The following RBFOX1 variants were observed in gnomAD, a reference collection of about 807,000 sequenced individuals.
RBFOX1 encodes RNA binding fox-1 homolog 1.
RBFOX1 carries 8 observed loss-of-function variants against 57.7 expected under a neutral mutation model. That is an observed-to-expected ratio of 0.14 (90% CI 0.08 to 0.25). The LOEUF (loss-of-function observed/expected upper bound fraction) is 0.25. Ranked by LOEUF, RBFOX1 falls within the 10% of genes least tolerant of loss-of-function variation. The probability of loss-of-function intolerance (pLI) is 1.00; values close to 1 mark genes in which losing one functional copy is unlikely to be tolerated. For synonymous variants in RBFOX1, 326 were observed against 222.4 expected (o/e 1.47, Z -4.15); for missense variants, 611 against 548.5 (o/e 1.11, Z -1.14).
At chr16:5,880,270 C>A (rs544332441) in intron 4 of RBFOX1, among the ~76,000 whole-genome samples, 138 of 152,292 alleles carry the variant, frequency 9.1e-4, no homozygotes, top group African/African-American at 3.1e-3. Context: ...TCAGCATTCA[C>A]CCCAAAATCT....
chr16:7,063,320 C>T (rs572379916), intron 4 of RBFOX1, among the ~76,000 whole-genome samples: 4 of 152,114 alleles, frequency 2.6e-5, no homozygotes, highest in Admixed American at 6.5e-5. Context: ...GGACCACCCC[C>T]GTGCCCACAG....
intron 4 of RBFOX1, among the ~76,000 whole-genome samples, chr16:7,498,448 G>T (rs201736836): frequency 1.4e-3 from 204 of 150,902 alleles, no homozygotes; most frequent in African/African-American, 3.6e-3. Context: ...TATGTAGTGG[G>T]TTTTTTTTTA....
intron 1 of RBFOX1, among the ~76,000 whole-genome samples, chr16:6,262,115 G>T (rs1412549032): frequency 6.6e-6 from 1 of 152,078 alleles, no homozygotes; most frequent in African/African-American, 2.4e-5. Flanking sequence ...GAGGTGCAGA[G>T]ACTCCTTGAC....
At chr16:6,076,618 A>C (rs943803817) in intron 1 of RBFOX1, among the ~76,000 whole-genome samples, 1 of 148,958 alleles carries the variant, frequency 6.7e-6, no homozygotes, top group Non-Finnish European at 1.5e-5. Flanking sequence ...GAGCCTTAGG[A>C]CTCTTAACCT....
intron 4 of RBFOX1, among the ~76,000 whole-genome samples, chr16:7,081,217 T>C (rs2059144810): frequency 6.6e-6 from 1 of 152,216 alleles, no homozygotes; most frequent in Non-Finnish European, 1.5e-5. Flanking sequence ...GTATTTTTAG[T>C]GGAGGCAGGG....
chr16:7,103,772 C>G (rs747416540), intron 4 of RBFOX1, among the ~76,000 whole-genome samples: 4 of 152,158 alleles, frequency 2.6e-5, no homozygotes, highest in African/African-American at 9.7e-5. Flanking sequence ...AGAAAAACCT[C>G]TAAGGTACCC....
chr16:5,287,030 T>A (rs1567282236), intron 1 of RBFOX1, among the ~76,000 whole-genome samples: 1 of 152,054 alleles, frequency 6.6e-6, no homozygotes, highest in African/African-American at 2.4e-5. Context: ...AGAGGCTGGG[T>A]GTGGTGGCTC....
intron 2 of RBFOX1, among the ~76,000 whole-genome samples, chr16:5,587,905 C>T (rs573548068): frequency 6.0e-4 from 91 of 152,172 alleles, no homozygotes; most frequent in African/African-American, 2.0e-3. Flanking sequence ...ATAACGTGTG[C>T]GGGAATGCTC....
chr16:5,760,355 C>G (rs2053549465), intron 3 of RBFOX1, among the ~76,000 whole-genome samples: 1 of 149,408 alleles, frequency 6.7e-6, no homozygotes, highest in Non-Finnish European at 1.5e-5. Context: ...AAGTACTCAG[C>G]AATTTCACAC....
At chr16:6,698,912 A>C (rs1011010998) in intron 3 of RBFOX1, among the ~76,000 whole-genome samples, 1 of 152,238 alleles carries the variant, frequency 6.6e-6, no homozygotes, top group African/African-American at 2.4e-5. Context: ...TATTCATAAA[A>C]GAGGCATATT....
At chr16:7,668,999 G>A (rs949909015) in intron 13 of RBFOX1, among the ~76,000 whole-genome samples, 6 of 152,260 alleles carry the variant, frequency 3.9e-5, no homozygotes, top group Admixed American at 3.9e-4. Flanking sequence ...CCGCTTCCAG[G>A]GTTCAAGGGA....
intron 2 of RBFOX1, among the ~76,000 whole-genome samples, chr16:6,556,187 C>T (rs2097095595): frequency 6.6e-6 from 1 of 152,182 alleles, no homozygotes; most frequent in African/African-American, 2.4e-5. Context: ...GCGGCATTGA[C>T]TTCCCGCTGT....
At chr16:7,134,218 C>A (rs768205556) in intron 4 of RBFOX1, among the ~76,000 whole-genome samples, 1 of 151,986 alleles carries the variant, frequency 6.6e-6, no homozygotes, top group Non-Finnish European at 1.5e-5. Flanking sequence ...GAGATTTTTG[C>A]CATTTGGATG....
rs192784981 is a variant in RBFOX1, at chr16:7,009,869, C to T, written c.-15-42188C>T. Among the ~76,000 whole-genome samples the T allele has an allele frequency of 2.8e-3, 429 of 152,218 alleles. 1 individual carries two copies. Among genetic ancestry groups the T allele is most frequent in the South Asian group, 4.6e-3 (22 of 4,822 alleles). On this transcript the variant is annotated intron_variant, in intron 3 of 15. Coordinates refer to ENST00000550418, the MANE Select transcript of RBFOX1 (RefSeq NM_018723.4). Reference sequence around the variant, plus strand: ...AGCAAACTACGAATATTAAAATATTCCTGGGCTATTTTGGTGCCGTTTAGC... The same window carrying T: ...AGCAAACTACGAATATTAAAATATTTCTGGGCTATTTTGGTGCCGTTTAGC...
At chr16:7,649,929 G>C (rs934808666) in intron 11 of RBFOX1, among the ~76,000 whole-genome samples, 1 of 151,712 alleles carries the variant, frequency 6.6e-6, no homozygotes. Context: ...ATGAAGGCAG[G>C]AATTAATAAA....
At chr16:7,083,770 G>T (rs939456647) in intron 4 of RBFOX1, among the ~76,000 whole-genome samples, 12 of 145,770 alleles carry the variant, frequency 8.2e-5, no homozygotes, top group Admixed American at 6.0e-4. Flanking sequence ...AGAAGGCACC[G>T]TGCATGGGTC....
chr16:5,733,095 C>T (rs1221998192), intron 3 of RBFOX1, among the ~76,000 whole-genome samples: 1 of 152,022 alleles, frequency 6.6e-6, no homozygotes, highest in African/African-American at 2.4e-5. Flanking sequence ...ACCTGACTTC[C>T]AAAACAAATG....
At chr16:6,725,811 G>A (rs568126831) in intron 3 of RBFOX1, among the ~76,000 whole-genome samples, 1 of 152,104 alleles carries the variant, frequency 6.6e-6, no homozygotes, top group Non-Finnish European at 1.5e-5. Context: ...CGCCGTGTGT[G>A]CTCTTCAAGC....
chr16:6,455,838 A>G (rs1199100307), intron 2 of RBFOX1, among the ~76,000 whole-genome samples: 2 of 152,208 alleles, frequency 1.3e-5, no homozygotes, highest in East Asian at 1.9e-4. Flanking sequence ...TGCAGATTCA[A>G]TAAACCATGA....
Sources: allele counts gnomAD v4.1 joint callset (sites outside exome capture counted in the v4.1 genomes callset), GRCh38; gene constraint gnomAD v4.1.1; transcripts MANE v1.5; gene names NCBI Gene and HGNC (gene_info 2026-07-23, HGNC 2026-07-21).